ZNF641: variants seen among roughly 807,000 people sequenced by gnomAD.
The protein encoded by ZNF641 is zinc finger protein 641.
In ZNF641, 26 loss-of-function variants were observed where a neutral mutation model predicts 46.2. That is an observed-to-expected ratio of 0.56 (90% confidence interval 0.41 to 0.78). The LOEUF is 0.78. ZNF641 is among the 30% of genes least tolerant of loss of function. The probability of loss-of-function intolerance (pLI) is 0.00; values close to 1 mark genes in which losing one functional copy is unlikely to be tolerated. For synonymous variants in ZNF641, 163 were observed against 187.9 expected, an observed-to-expected ratio of 0.87 and a Z score of 1.09; for missense variants, 469 against 517.8, an observed-to-expected ratio of 0.91 and a Z score of 0.91.
rs1443103885 is a variant in ZNF641 at position 48,340,033 on chromosome 12, C to G, written c.*2940G>C. ...TTTTACATTTTGCCCAAAGAGAACA[C>G]AGAGATTCTTTTTATTTAAAGGGGA... On this transcript the variant is annotated 3_prime_UTR_variant, in exon 6 of 6. Coordinates refer to ENST00000547026, the MANE Select transcript of ZNF641 (RefSeq NM_001172681.2). 3.0e-6 allele frequency: 3 copies of G among 985,290 alleles called. No homozygotes were observed. In the African/African-American group the frequency reaches 5.2e-5, roughly 17 times the overall value. 61.0% of individuals were successfully genotyped at this position (985,290 alleles called of 1,614,324 possible).
At position 48,348,040 on chromosome 12, in the gene ZNF641, A is replaced by C; in HGVS notation, c.51T>G (p.Asn17Lys). 1 of 1,614,158 alleles carries C rather than the reference A, an allele frequency of 6.2e-7. No individual in the cohort carries two copies. Among genetic ancestry groups the C allele is most frequent in the Non-Finnish European group, 8.5e-7 (1 of 1,180,034 alleles). Reference protein sequence around the residue: ...AALGTGWESMNVQLDGAEPQV... With the variant: ...AALGTGWESMKVQLDGAEPQV... Reference sequence around the variant, plus strand: ...GGGGCTCTGCTCCATCCAGCTGTACATTCATTGATTCCCATCCTGTCCCCA... The same window carrying C: ...GGGGCTCTGCTCCATCCAGCTGTACCTTCATTGATTCCCATCCTGTCCCCA... The change falls in exon 2 of 6, where the codon AAT becomes AAG. Residue 17 changes from asparagine to lysine, a missense_variant. Coordinates refer to ENST00000547026, the MANE Select transcript of ZNF641 (RefSeq NM_001172681.2).
chr12:48,349,349 G>T lies in ZNF641; in HGVS notation c.-25-1234C>A, dbSNP rs558450737. On this transcript the variant is annotated intron_variant, in intron 1 of 5. Transcript: ENST00000547026. ...AATCTGAGACTCAGAATCTCTTTCT[G>T]TTTGGCAACATATTTTGGGTATTCT... Among the ~76,000 whole-genome samples the T allele has an allele frequency of 1.4e-4, 22 of 152,264 alleles. No homozygotes were observed. The South Asian group carries it at 4.6e-3, about 32-fold the overall frequency.
At position 48,342,861 on chromosome 12, in the gene ZNF641, G is replaced by C. The variant is rs1458465292; in HGVS notation, c.*112C>G. 8.8e-6 allele frequency: 13 copies of C among 1,470,890 alleles called. No individual in the cohort carries two copies. Among genetic ancestry groups the C allele is most frequent in the Non-Finnish European group, 1.2e-5 (13 of 1,118,212 alleles). 91.1% of individuals were successfully genotyped at this position (1,470,890 alleles called of 1,614,324 possible). ...CTGGGACCTCATCTTTCTAGGGATG[G>C]GGTCAGGGCTTATGATTCTGGCCAC... On this transcript the variant is annotated 3_prime_UTR_variant, in exon 6 of 6. Coordinates refer to ENST00000547026, the MANE Select transcript of ZNF641 (RefSeq NM_001172681.2).
intron 1 of ZNF641, 77 bp from the exon 2 acceptor site, chr12:48,348,192 G>A: frequency 6.8e-7 from 1 of 1,462,322 alleles, no homozygotes; most frequent in Non-Finnish European, 9.4e-7. Flanking sequence ...TGAAGAACAG[G>A]CCCAGGGATA....
At position 48,340,657 on chromosome 12, in the gene ZNF641, T is replaced by C. The variant is rs1952697593; in HGVS notation, c.*2316A>G. On this transcript the variant is annotated 3_prime_UTR_variant, in exon 6 of 6. Coordinates refer to ENST00000547026, the MANE Select transcript of ZNF641 (RefSeq NM_001172681.2). ...GAAGGCAGTTTAGGGATTCCACAGATGGGCTTTGAACCTGCTAAATGTGTA... is the reference window on the plus strand; with the variant it reads ...GAAGGCAGTTTAGGGATTCCACAGACGGGCTTTGAACCTGCTAAATGTGTA... 3.0e-6 allele frequency: 3 copies of C among 985,460 alleles called. No homozygotes were observed. Among genetic ancestry groups the C allele is most frequent in the Non-Finnish European group, 3.6e-6 (3 of 829,922 alleles). The allele number at this position is 985,460 out of a possible 1,614,324, so 61.0% of individuals were successfully genotyped here. A position where few individuals can be genotyped will look rare whatever the true frequency, so the allele number is the denominator to read the frequency against.
At chr12:48,349,752 C>T (rs1952976336) in intron 1 of ZNF641, among the ~76,000 whole-genome samples, 1 of 152,244 alleles carries the variant, frequency 6.6e-6, no homozygotes, top group Non-Finnish European at 1.5e-5. Context: ...TAGCTCTCTT[C>T]TCTGAATTCC....
intron 3 of ZNF641, among the ~76,000 whole-genome samples, chr12:48,346,507 A>C (rs11168535): frequency 0.23 from 34,661 of 151,830 alleles, 4,226 homozygotes; most frequent in African/African-American, 0.29. Context: ...ATCTAAACCT[A>C]ATTTCCTTTC....
chr12:48,342,159 G>A lies in ZNF641; in HGVS notation c.*814C>T, dbSNP rs1376870784. On this transcript the variant is annotated 3_prime_UTR_variant, in exon 6 of 6. Transcript: ENST00000547026. Reference sequence around the variant, plus strand: ...TCTGTGTGGGCCAGGGCTATTTGGGGGTATTAGATCATCTCTTAGCCTTGT... The same window carrying A: ...TCTGTGTGGGCCAGGGCTATTTGGGAGTATTAGATCATCTCTTAGCCTTGT... 3 of 985,300 alleles carry A rather than the reference G, an allele frequency of 3.0e-6. No individual in the cohort carries two copies. The highest frequency in any genetic ancestry group is 3.6e-6 in the Non-Finnish European group (3 of 829,990). The allele number at this position is 985,300 out of a possible 1,614,324, so 61.0% of individuals were successfully genotyped here. A position where few individuals can be genotyped will look rare whatever the true frequency, so the allele number is the denominator to read the frequency against.
At position 48,341,347 on chromosome 12, in the gene ZNF641, T is replaced by C; in HGVS notation, c.*1626A>G. 1.2e-5 allele frequency: 12 copies of C among 985,408 alleles called. No homozygotes were observed. The highest frequency in any genetic ancestry group is 1.4e-5 in the Non-Finnish European group (12 of 829,892). The allele number at this position is 985,408 out of a possible 1,614,324, so 61.0% of individuals were successfully genotyped here. A position where few individuals can be genotyped will look rare whatever the true frequency, so the allele number is the denominator to read the frequency against. The stretch of plus-strand genomic sequence containing the variant: ...CCCCGAACTGCTCTTACATACAAGA[T>C]AATTTTTAAATTATAAGATTGGTAT... On this transcript the variant is annotated 3_prime_UTR_variant, in exon 6 of 6. Coordinates refer to ENST00000547026, the MANE Select transcript of ZNF641 (RefSeq NM_001172681.2).
chr12:48,339,938 G>A lies in ZNF641; in HGVS notation c.*3035C>T, dbSNP rs1952681140. 1 of 985,386 alleles carries A rather than the reference G, an allele frequency of 1.0e-6. No homozygotes were observed. The highest frequency in any genetic ancestry group is 1.2e-6 in the Non-Finnish European group (1 of 829,876). The allele number at this position is 985,386 out of a possible 1,614,324, so 61.0% of individuals were successfully genotyped here. Reference sequence around the variant, plus strand: ...AGATACTATGTTGGGGTGGAAAGGGGAGGATACTCAGAATAGGGTGGAGGT... The same window carrying A: ...AGATACTATGTTGGGGTGGAAAGGGAAGGATACTCAGAATAGGGTGGAGGT... On this transcript the variant is annotated 3_prime_UTR_variant, in exon 6 of 6. Coordinates refer to ENST00000547026, the MANE Select transcript of ZNF641 (RefSeq NM_001172681.2).
Position 48,343,771 on chromosome 12 carries a change from G to T in ZNF641, c.521-44C>A, listed in dbSNP as rs201194739. On this transcript the variant is annotated intron_variant, in intron 5 of 5. Coordinates refer to ENST00000547026, the MANE Select transcript of ZNF641 (RefSeq NM_001172681.2). ...ACCAACCCCAAGAGAAGAGTCACAA[G>T]AGAGTGCTTGAGGCCTAAGTCACAA... 2.8e-6 allele frequency: 4 copies of T among 1,435,378 alleles called. No individual in the cohort carries two copies. In the South Asian group the frequency reaches 6.1e-5, roughly 22 times the overall value. 88.9% of individuals were successfully genotyped at this position (1,435,378 alleles called of 1,614,324 possible).
rs904054684 is a variant in ZNF641, at chr12:48,342,112, GT to G, written c.*860del. The stretch of plus-strand genomic sequence containing the variant: ...AGAGGGGACTGTTCAAGGGGATAAA[GT>G]TTTTTTTGTTTTTCTGTTTTTCTGT... On this transcript the variant is annotated 3_prime_UTR_variant, in exon 6 of 6. Coordinates refer to ENST00000547026, the MANE Select transcript of ZNF641 (RefSeq NM_001172681.2). The G allele has an allele frequency of 1.2e-5, 12 of 985,296 alleles. No homozygotes were observed. In the African/African-American group the frequency reaches 1.2e-4, roughly 10 times the overall value. The allele number at this position is 985,296 out of a possible 1,614,324, so 61.0% of individuals were successfully genotyped here. A position where few individuals can be genotyped will look rare whatever the true frequency, so the allele number is the denominator to read the frequency against.
intron 1 of ZNF641, among the ~76,000 whole-genome samples, chr12:48,348,945 GA>G (rs2136189570): frequency 6.6e-6 from 1 of 152,296 alleles, no homozygotes; most frequent in Admixed American, 6.5e-5. Context: ...GATCTCATTA[GA>G]AAAATATATT....
chr12:48,349,474 G>A (rs551285146), intron 1 of ZNF641, among the ~76,000 whole-genome samples: 8 of 152,322 alleles, frequency 5.3e-5, no homozygotes, highest in African/African-American at 1.9e-4. Context: ...AATAACACTT[G>A]CAAGAACCTT....
At position 48,343,039 on chromosome 12, in the gene ZNF641, C is replaced by A; in HGVS notation, c.1209G>T (p.Arg403Ser). Reference sequence around the variant, plus strand: ...TTTGTCCCTGGTGGGTGAGCAGGTGCCTGTCCAGGTGATGTTTTCGGCCAA... The same window carrying A: ...TTTGTCCCTGGTGGGTGAGCAGGTGACTGTCCAGGTGATGTTTTCGGCCAA... ...KSFGRKHHLD[R>S]HLLTHQGQSP... Residue 403 changes from arginine to serine, a missense_variant, in exon 6 of 6, where the codon AGG becomes AGT. Coordinates refer to ENST00000547026, the MANE Select transcript of ZNF641 (RefSeq NM_001172681.2). 1 of 1,614,208 alleles carries A rather than the reference C, an allele frequency of 6.2e-7. No individual in the cohort carries two copies.
chr12:48,337,044 T>A (rs932371957), downstream of ZNF641: 1 of 152,274 alleles, frequency 6.6e-6, no homozygotes, highest in Non-Finnish European at 1.5e-5. Context: ...TGGAGGCTTA[T>A]GTTTCAGGCA....
At position 48,343,078 on chromosome 12, in the gene ZNF641, G is replaced by T. The variant is rs150214763; in HGVS notation, c.1170C>A (p.Arg390=). The stretch of plus-strand genomic sequence containing the variant: ...GTTTTCGGCCAAAGCTCTTCTCACA[G>T]CGAGGGCACTGGAAGGGCTTCTCCC... ...HTGEKPFQCP[R]CEKSFGRKHH... Residue 390 remains arginine (R), a synonymous_variant, in exon 6 of 6, where the codon CGC becomes CGA. Coordinates refer to ENST00000547026, the MANE Select transcript of ZNF641 (RefSeq NM_001172681.2). The T allele has an allele frequency of 5.0e-6, 8 of 1,614,270 alleles. No individual in the cohort carries two copies. The African/African-American group carries it at 8.0e-5, about 16-fold the overall frequency.
Position 48,343,649 on chromosome 12 carries a change from T to C in ZNF641, c.599A>G (p.Asp200Gly). The C allele has an allele frequency of 1.3e-6, 2 of 1,581,052 alleles. No individual in the cohort carries two copies. The highest frequency in any genetic ancestry group is 1.2e-5 in the South Asian group (1 of 85,996). The change falls in exon 6 of 6, where the codon GAT becomes GGT. Residue 200 changes from aspartate (D) to glycine (G), a missense_variant. This residue lies in a region of ZNF641 where 346 missense variants were observed against 354.0 expected (regional missense o/e 0.98). Coordinates refer to ENST00000547026, the MANE Select transcript of ZNF641 (RefSeq NM_001172681.2). Reference protein sequence around the residue: ...PPRMLSSVSEDTVLWNPEHDE... With the variant: ...PPRMLSSVSEGTVLWNPEHDE... ...ATGCTCCGGGTTCCAGAGAACAGTATCTTCAGACACGCTGGATAACATTCT... is the reference window on the plus strand; with the variant it reads ...ATGCTCCGGGTTCCAGAGAACAGTACCTTCAGACACGCTGGATAACATTCT...
At chr12:48,345,991 C>A (rs564564225) in intron 3 of ZNF641, among the ~76,000 whole-genome samples, 2 of 151,764 alleles carry the variant, frequency 1.3e-5, no homozygotes, top group African/African-American at 4.8e-5. Flanking sequence ...GCAACCTCCA[C>A]CTCCCAGGTT....
Sources: allele counts gnomAD v4.1 joint callset (sites outside exome capture counted in the v4.1 genomes callset), GRCh38; gene constraint gnomAD v4.1.1; regional missense constraint gnomAD v4.1.1; transcripts MANE v1.5; gene names NCBI Gene and HGNC (gene_info 2026-07-23, HGNC 2026-07-21).